The following KIAA1958 variants were observed in gnomAD, a reference collection of about 807,000 sequenced individuals.
KIAA1958 encodes the protein KIAA1958, also known as uncharacterized protein KIAA1958.
In KIAA1958, 14 loss-of-function variants were observed where a neutral mutation model predicts 47.2. The observed-to-expected ratio is 0.30, with a 90% CI of 0.20 to 0.46. KIAA1958 has a LOEUF of 0.46. Ranked by LOEUF, KIAA1958 falls within the 20% of genes least tolerant of loss-of-function variation. KIAA1958 has a pLI of 1.00. For synonymous variants in KIAA1958, 354 were observed against 353.3 expected (o/e 1.00, Z -0.02); for missense variants, 803 against 909.2 (o/e 0.88, Z 1.50).
chr9:112,529,640 C>T (rs1194252744), intron 1 of KIAA1958, among the ~76,000 whole-genome samples: 4 of 152,146 alleles, frequency 2.6e-5, no homozygotes, highest in Non-Finnish European at 5.9e-5. Flanking sequence ...ATTAAGGCCA[C>T]AGAGGTAAAA....
intron 1 of KIAA1958, among the ~76,000 whole-genome samples, chr9:112,523,184 T>C (rs918347812): frequency 2.0e-5 from 3 of 152,154 alleles, no homozygotes; most frequent in Non-Finnish European, 4.4e-5. Flanking sequence ...TGAGGGTGGT[T>C]CCATTAGGAT....
At chr9:112,622,084 T>C (rs756174343) in intron 2 of KIAA1958, among the ~76,000 whole-genome samples, 1 of 152,252 alleles carries the variant, frequency 6.6e-6, no homozygotes, top group Non-Finnish European at 1.5e-5. Context: ...ATCTAAATGA[T>C]ACTGAGAAGA....
chr9:112,492,436 C>T (rs1047336971), intron 1 of KIAA1958, among the ~76,000 whole-genome samples: 1 of 152,190 alleles, frequency 6.6e-6, no homozygotes, highest in East Asian at 1.9e-4. Context: ...AAGTCACATT[C>T]TGAGGTACCA....
chr9:112,495,602 C>T (rs1384789979), intron 1 of KIAA1958, among the ~76,000 whole-genome samples: 3 of 152,174 alleles, frequency 2.0e-5, no homozygotes, highest in African/African-American at 7.2e-5. Flanking sequence ...AGTGGTACAG[C>T]AATTTGGAAA....
chr9:112,576,248 A>G (rs192678144), intron 2 of KIAA1958, among the ~76,000 whole-genome samples: 67 of 152,296 alleles, frequency 4.4e-4, no homozygotes, highest in African/African-American at 1.6e-3. Flanking sequence ...TTTTGAAGAC[A>G]TAGTCATGGT....
intron 1 of KIAA1958, among the ~76,000 whole-genome samples, chr9:112,497,099 G>A (rs914639709): frequency 1.4e-4 from 22 of 152,144 alleles, no homozygotes; most frequent in African/African-American, 5.3e-4. Context: ...AATACAGAGA[G>A]GTTCTTTGCA....
rs551502104 is a variant in KIAA1958, at chr9:112,579,367, T to C, written c.1171+4116T>C. 3.2e-3 allele frequency among the ~76,000 whole-genome samples: 493 copies of C among 152,252 alleles called. 2 individuals carry two copies. The highest frequency in any genetic ancestry group is 7.1e-3 in the Admixed American group (108 of 15,294). On this transcript the variant is annotated intron_variant, in intron 2 of 3. Coordinates refer to ENST00000337530, the MANE Select transcript of KIAA1958 (RefSeq NM_133465.4). ...TTCTCTGTATTTCCCTCTTATTCTTTTATGGTTTTCTTTCTCTCTCCTCTC... is the reference window on the plus strand; with the variant it reads ...TTCTCTGTATTTCCCTCTTATTCTTCTATGGTTTTCTTTCTCTCTCCTCTC...
chr9:112,595,503 A>C (rs975392435), intron 2 of KIAA1958, among the ~76,000 whole-genome samples: 3 of 152,028 alleles, frequency 2.0e-5, no homozygotes, highest in African/African-American at 7.2e-5. Context: ...TCTACCAAAA[A>C]CACAAAAATT....
At chr9:112,604,851 C>T (rs989521901) in intron 2 of KIAA1958, among the ~76,000 whole-genome samples, 7 of 149,486 alleles carry the variant, frequency 4.7e-5, no homozygotes, top group African/African-American at 1.5e-4. Flanking sequence ...ATGACAAAGA[C>T]GTGAAAAATA....
rs770529750 is a variant in KIAA1958 at position 112,621,422 on chromosome 9, TA to T, written c.1172-24225del. Among the ~76,000 whole-genome samples the T allele has an allele frequency of 2.6e-5, 4 of 152,344 alleles. No individual in the cohort carries two copies. In the East Asian group the frequency reaches 7.7e-4, roughly 29 times the overall value. ...TTTAATTTTTAATTGACGTAGTTTC[TA>T]AATTTTTGATATGTTTCTGACAGCA... On this transcript the variant is annotated intron_variant, in intron 2 of 3. Transcript: ENST00000337530.
intron 1 of KIAA1958, among the ~76,000 whole-genome samples, chr9:112,500,877 G>A (rs902429306): frequency 5.3e-5 from 8 of 151,896 alleles, no homozygotes; most frequent in Admixed American, 2.0e-4. Context: ...GGAAGGCTGA[G>A]GCAGGAGGAT....
intron 1 of KIAA1958, among the ~76,000 whole-genome samples, chr9:112,562,519 G>T (rs1835351571): frequency 2.0e-5 from 3 of 152,152 alleles, no homozygotes; most frequent in African/African-American, 7.2e-5. Context: ...TATCAGTTTG[G>T]GTTTAGGGCA....
At chr9:112,523,270 T>A (rs1313957125) in intron 1 of KIAA1958, among the ~76,000 whole-genome samples, 1 of 152,104 alleles carries the variant, frequency 6.6e-6, no homozygotes, top group East Asian at 1.9e-4. Context: ...GGCAACATGG[T>A]GAAACCCTTC....
At chr9:112,581,192 G>A (rs941170449) in intron 2 of KIAA1958, among the ~76,000 whole-genome samples, 1 of 152,154 alleles carries the variant, frequency 6.6e-6, no homozygotes, top group Non-Finnish European at 1.5e-5. Context: ...TCCCTCATTT[G>A]TAAAGTAATG....
chr9:112,538,896 G>A (rs1228434801), intron 1 of KIAA1958, among the ~76,000 whole-genome samples: 1 of 152,084 alleles, frequency 6.6e-6, no homozygotes, highest in Non-Finnish European at 1.5e-5. Flanking sequence ...TCAACAAAAA[G>A]GCATTTTTCC....
At chr9:112,613,905 C>G (rs1033495502) in intron 2 of KIAA1958, among the ~76,000 whole-genome samples, 1 of 152,100 alleles carries the variant, frequency 6.6e-6, no homozygotes. Flanking sequence ...AATTCCACTC[C>G]TACGTATATA....
Position 112,659,253 on chromosome 9 carries a change from C to T in KIAA1958, c.1345-10C>T, listed in dbSNP as rs1426012454. The T allele has an allele frequency of 3.2e-5, 51 of 1,603,174 alleles. No individual in the cohort carries two copies. The highest frequency in any genetic ancestry group is 4.3e-5 in the Non-Finnish European group (50 of 1,173,888). On this transcript the variant is annotated splice_polypyrimidine_tract_variant and intron_variant, in intron 3 of 3. Coordinates refer to ENST00000337530, the MANE Select transcript of KIAA1958 (RefSeq NM_133465.4). ...TCAAGTGTGTAACCTCCGTGTTTGTCTCATTTGAGATCCCTGCAGTGAAGT... is the reference window on the plus strand; with the variant it reads ...TCAAGTGTGTAACCTCCGTGTTTGTTTCATTTGAGATCCCTGCAGTGAAGT...
chr9:112,533,501 A>G (rs1834790197), intron 1 of KIAA1958, among the ~76,000 whole-genome samples: 1 of 149,164 alleles, frequency 6.7e-6, no homozygotes, highest in African/African-American at 2.5e-5. Context: ...GAATGGCGTG[A>G]ACCCGGGAGA....
chr9:112,542,688 CCTCT>C (rs1340768458), intron 1 of KIAA1958, among the ~76,000 whole-genome samples: 1 of 152,002 alleles, frequency 6.6e-6, no homozygotes, highest in Non-Finnish European at 1.5e-5. Flanking sequence ...AATTTAGAGC[CCTCT>C]CTCTCTGCAT....
Sources: gnomAD v4.1 joint callset for allele counts (sites outside exome capture counted in the v4.1 genomes callset) on GRCh38, gnomAD v4.1.1 for gene constraint, MANE v1.5 for transcripts, NCBI Gene and HGNC (gene_info 2026-07-23, HGNC 2026-07-21) for gene names.